The following VPS41 variants were observed in gnomAD, a reference collection of about 807,000 sequenced individuals.
The protein encoded by VPS41 is vacuolar protein sorting-associated protein 41 homolog.
VPS41 carries 85 observed loss-of-function variants against 130.9 expected under a neutral mutation model. The observed-to-expected ratio is 0.65, with a 90% CI of 0.55 to 0.78. The LOEUF (loss-of-function observed/expected upper bound fraction) is 0.78, where lower values mean the gene tolerates loss of function less well. VPS41 is among the 30% of genes least tolerant of loss of function. The probability of loss-of-function intolerance (pLI) is 0.00; values close to 1 mark genes in which losing one functional copy is unlikely to be tolerated. For synonymous variants in VPS41, 335 were observed against 332.9 expected (o/e 1.01, Z -0.07); for missense variants, 874 against 1,018.7 (o/e 0.86, Z 1.93).
At chr7:38,901,149 A>G (rs1020421438) in intron 1 of VPS41, among the ~76,000 whole-genome samples, 1 of 152,222 alleles carries the variant, frequency 6.6e-6, no homozygotes, top group East Asian at 1.9e-4. Flanking sequence ...CAAATATTGC[A>G]TGATTCCACT....
At chr7:38,874,736 A>C (rs1289419314) in intron 2 of VPS41, among the ~76,000 whole-genome samples, 1 of 152,184 alleles carries the variant, frequency 6.6e-6, no homozygotes, top group African/African-American at 2.4e-5. Context: ...CCAACTATTA[A>C]TAAAAAGAAA....
intron 2 of VPS41, among the ~76,000 whole-genome samples, chr7:38,882,125 CCACCACAAGT>C (rs974465750): frequency 1.1e-4 from 17 of 152,240 alleles, no homozygotes; most frequent in East Asian, 7.7e-4. Flanking sequence ...TCAAGCCCCA[CCACCACAAGT>C]CACCACAAGT....
At chr7:38,892,514 C>G (rs1203736987) in intron 2 of VPS41, among the ~76,000 whole-genome samples, 1 of 152,132 alleles carries the variant, frequency 6.6e-6, no homozygotes, top group Non-Finnish European at 1.5e-5. Flanking sequence ...ATACTTGTTC[C>G]ATTACATCTT....
chr7:38,776,201 T>C (rs1784256039), intron 11 of VPS41, among the ~76,000 whole-genome samples: 1 of 152,210 alleles, frequency 6.6e-6, no homozygotes, highest in Non-Finnish European at 1.5e-5. Context: ...TTCACAACAA[T>C]CCATTTCAAA....
chr7:38,864,817 A>G (rs1786192655), intron 3 of VPS41, among the ~76,000 whole-genome samples: 1 of 152,002 alleles, frequency 6.6e-6, no homozygotes, highest in African/African-American at 2.4e-5. Context: ...AAGAATAAAT[A>G]TAATTTCACT....
intron 9 of VPS41, among the ~76,000 whole-genome samples, chr7:38,794,937 G>T (rs1006576010): frequency 6.6e-6 from 1 of 152,082 alleles, no homozygotes; most frequent in African/African-American, 2.4e-5. Flanking sequence ...TTACCCAGGC[G>T]CATAAGGGTC....
chr7:38,850,894 C>T (rs76741853), intron 4 of VPS41, among the ~76,000 whole-genome samples: 3,113 of 152,194 alleles, frequency 0.02, 122 homozygotes, highest in African/African-American at 0.071. Context: ...ACAGCCAACA[C>T]TGGTGATGCG....
intron 4 of VPS41, among the ~76,000 whole-genome samples, chr7:38,853,695 A>G (rs1371882751): frequency 6.6e-6 from 1 of 152,226 alleles, no homozygotes; most frequent in Non-Finnish European, 1.5e-5. Flanking sequence ...GCTTCAGACA[A>G]CTAAGCCCCA....
intron 13 of VPS41, among the ~76,000 whole-genome samples, 169 bp from the exon 14 acceptor site, chr7:38,771,423 T>C (rs1784151900): frequency 6.6e-6 from 1 of 152,202 alleles, no homozygotes; most frequent in Non-Finnish European, 1.5e-5. Context: ...TGGCTTTTGC[T>C]TGAAGCATTG....
chr7:38,880,436 A>ATT (rs1307274132), intron 2 of VPS41, among the ~76,000 whole-genome samples: 2 of 152,174 alleles, frequency 1.3e-5, no homozygotes, highest in Non-Finnish European at 2.9e-5. Context: ...ACCCTCTCCT[A>ATT]TTTTAGCCAA....
intron 10 of VPS41, among the ~76,000 whole-genome samples, chr7:38,789,090 T>A (rs1456176398): frequency 6.6e-6 from 1 of 152,194 alleles, no homozygotes; most frequent in African/African-American, 2.4e-5. Context: ...ATCCAGGGCA[T>A]ACTTCTCCTG....
intron 4 of VPS41, among the ~76,000 whole-genome samples, chr7:38,846,340 T>C (rs1466041279): frequency 6.6e-6 from 1 of 152,218 alleles, no homozygotes; most frequent in African/African-American, 2.4e-5. Flanking sequence ...TTGAGACTGT[T>C]TGCTGAAGGA....
chr7:38,792,727 C>T (rs1242267260), intron 9 of VPS41, among the ~76,000 whole-genome samples: 1 of 152,144 alleles, frequency 6.6e-6, no homozygotes, highest in African/African-American at 2.4e-5. Flanking sequence ...CAGCTCAAAG[C>T]CCTGTGCTGG....
intron 22 of VPS41, chr7:38,745,846 T>C (rs1239536699): frequency 2.2e-6 from 1 of 444,912 alleles, no homozygotes; most frequent in Non-Finnish European, 3.9e-6. Flanking sequence ...CTCAGAACAT[T>C]TCATGAGCAA....
At position 38,796,618 on chromosome 7, in the gene VPS41, C is replaced by T; in HGVS notation, c.570+127G>A. 15 of 1,390,198 alleles carry T rather than the reference C, an allele frequency of 1.1e-5. No individual in the cohort carries two copies. The South Asian group carries it at 1.8e-4, about 16-fold the overall frequency. 86.1% of individuals were successfully genotyped at this position (1,390,198 alleles called of 1,614,324 possible). The stretch of plus-strand genomic sequence containing the variant: ...TTAACCTCCTAGGTATGATACCAAT[C>T]GTCCTTACACCCTTTAGAAATCACC... On this transcript the variant is annotated intron_variant, in intron 8 of 28. Transcript: ENST00000310301.
chr7:38,726,796 G>C, intron 28 of VPS41, 113 bp downstream of exon 28: 1 of 901,068 alleles, frequency 1.1e-6, no homozygotes, highest in Non-Finnish European at 1.6e-6. Flanking sequence ...AATCCACATT[G>C]TAATTTTTTT....
At chr7:38,777,666 CT>C (rs1347904868) in intron 10 of VPS41, among the ~76,000 whole-genome samples, 9 of 152,322 alleles carry the variant, frequency 5.9e-5, no homozygotes, top group Middle Eastern at 3.4e-3. Context: ...AACTCTTGTT[CT>C]GACCCACCAC....
intron 7 of VPS41, among the ~76,000 whole-genome samples, chr7:38,812,680 G>T (rs1784967758): frequency 6.6e-6 from 1 of 151,978 alleles, no homozygotes; most frequent in African/African-American, 2.4e-5. Flanking sequence ...TATTTTTGAA[G>T]TTTATAACTC....
rs3735347 is a variant in VPS41, at chr7:38,725,927, A to C, written c.*319T>G. ...TCTCAGTTGTCCATTTTATGGTTAA[A>C]TGGTTTTACTAAGGTCTAAAAAATT... On this transcript the variant is annotated 3_prime_UTR_variant, in exon 29 of 29. Coordinates refer to ENST00000310301, the MANE Select transcript of VPS41 (RefSeq NM_014396.4). The C allele has an allele frequency of 0.26, 50,512 of 193,828 alleles. 7,991 individuals carry two copies. The highest frequency in any genetic ancestry group is 0.49 in the South Asian group (3,107 of 6,300). The allele number at this position is 193,828 out of a possible 1,614,324, so 12.0% of individuals were successfully genotyped here.
Sources: gnomAD v4.1 joint callset for allele counts (sites outside exome capture counted in the v4.1 genomes callset) on GRCh38, gnomAD v4.1.1 for gene constraint, MANE v1.5 for transcripts, NCBI Gene and HGNC (gene_info 2026-07-23, HGNC 2026-07-21) for gene names.